The following RTN1 variants were observed in gnomAD, a reference collection of about 807,000 sequenced individuals.
RTN1 encodes reticulon 1.
In RTN1, 25 loss-of-function variants were observed where a neutral mutation model predicts 65.5. The observed-to-expected ratio is 0.38, with a 90% CI of 0.28 to 0.53. The LOEUF is 0.53. Among genes scored for constraint, RTN1 ranks in the 20% least tolerant of loss-of-function variants. The pLI is 0.79. For synonymous variants in RTN1, 471 were observed against 447.6 expected (o/e 1.05, Z -0.66); for missense variants, 983 against 1,025.4 (o/e 0.96, Z 0.57).
intron 3 of RTN1, among the ~76,000 whole-genome samples, chr14:59,659,695 C>T (rs1883202366): frequency 6.6e-6 from 1 of 152,172 alleles, no homozygotes; most frequent in Non-Finnish European, 1.5e-5. Context: ...AATGCTGAGA[C>T]ATTTTGTCAC....
chr14:59,822,355 T>C (rs1300339312), intron 1 of RTN1, among the ~76,000 whole-genome samples: 1 of 152,188 alleles, frequency 6.6e-6, no homozygotes, highest in Non-Finnish European at 1.5e-5. Flanking sequence ...TTGGTAGTAA[T>C]GTTGCTTTTG....
At chr14:59,645,889 T>G (rs1882885109) in intron 3 of RTN1, among the ~76,000 whole-genome samples, 1 of 152,180 alleles carries the variant, frequency 6.6e-6, no homozygotes. Flanking sequence ...ACAAGAACTC[T>G]GACAAGTCAG....
chr14:59,610,004 G>A, intron 3 of RTN1: 1 of 686,212 alleles, frequency 1.5e-6, no homozygotes, highest in Non-Finnish European at 2.7e-6. Context: ...GAAGGAAGAT[G>A]CTTACCCACT....
At chr14:59,709,647 C>T (rs1467512514) in intron 3 of RTN1, among the ~76,000 whole-genome samples, 1 of 152,126 alleles carries the variant, frequency 6.6e-6, no homozygotes, top group African/African-American at 2.4e-5. Flanking sequence ...TGCCAGTCCG[C>T]CTGCCTATGG....
At chr14:59,669,906 C>A (rs1883466112) in intron 3 of RTN1, among the ~76,000 whole-genome samples, 1 of 152,230 alleles carries the variant, frequency 6.6e-6, no homozygotes, top group African/African-American at 2.4e-5. Context: ...CATGCAGACT[C>A]CTTGTTCCAG....
chr14:59,638,199 G>A (rs978849991), intron 3 of RTN1, among the ~76,000 whole-genome samples: 2 of 152,128 alleles, frequency 1.3e-5, no homozygotes, highest in Non-Finnish European at 2.9e-5. Context: ...ATTACTGTTT[G>A]ATCCATGGGC....
At chr14:59,692,722 C>A (rs1353466911) in intron 3 of RTN1, among the ~76,000 whole-genome samples, 2 of 152,226 alleles carry the variant, frequency 1.3e-5, no homozygotes, top group East Asian at 1.9e-4. Context: ...ACATATATAA[C>A]AATGGAACAG....
At chr14:59,752,056 C>A (rs1885533552) in intron 1 of RTN1, among the ~76,000 whole-genome samples, 2 of 152,204 alleles carry the variant, frequency 1.3e-5, no homozygotes, top group African/African-American at 4.8e-5. Context: ...CCCAACACTT[C>A]TTCAACACTG....
intron 3 of RTN1, among the ~76,000 whole-genome samples, chr14:59,706,040 G>A (rs1451262444): frequency 6.6e-6 from 1 of 151,362 alleles, no homozygotes; most frequent in East Asian, 1.9e-4. Context: ...AATTGTTGTG[G>A]ACTTCCTCCA....
chr14:59,785,419 A>G (rs903415646), intron 1 of RTN1, among the ~76,000 whole-genome samples: 9 of 152,250 alleles, frequency 5.9e-5, no homozygotes, highest in Non-Finnish European at 1.0e-4. Flanking sequence ...AAGAAAAATT[A>G]CAACAAAAAT....
intron 3 of RTN1, among the ~76,000 whole-genome samples, chr14:59,725,037 T>C (rs1330442403): frequency 1.3e-5 from 2 of 152,168 alleles, no homozygotes; most frequent in African/African-American, 4.8e-5. Context: ...CCCTCCTCTC[T>C]ACCTTCTAAA....
intron 1 of RTN1, among the ~76,000 whole-genome samples, chr14:59,751,475 A>G (rs1314646323): frequency 6.6e-6 from 1 of 152,068 alleles, no homozygotes; most frequent in East Asian, 1.9e-4. Flanking sequence ...AGATATTTGG[A>G]TCCTAGGATT....
At chr14:59,813,746 A>C (rs1886770361) in intron 1 of RTN1, among the ~76,000 whole-genome samples, 1 of 152,248 alleles carries the variant, frequency 6.6e-6, no homozygotes, top group South Asian at 2.1e-4. Context: ...AAATAGAATA[A>C]AATACAAAAT....
intron 3 of RTN1, among the ~76,000 whole-genome samples, chr14:59,635,641 A>C (rs1262471703): frequency 6.6e-6 from 1 of 152,194 alleles, no homozygotes; most frequent in Non-Finnish European, 1.5e-5. Context: ...AATATTTGTC[A>C]GCGGAAAAGA....
chr14:59,828,518 G>A (rs1268416535), intron 1 of RTN1, among the ~76,000 whole-genome samples: 1 of 152,140 alleles, frequency 6.6e-6, no homozygotes, highest in Non-Finnish European at 1.5e-5. Context: ...GGATGAGCTG[G>A]TATTATGGGG....
In RTN1 at chr14:59,727,222, G is replaced by A. The variant is rs764922456; in HGVS notation, c.1462C>T (p.Pro488Ser). The part of the protein sequence containing the change: ...EESPKREQDS[P>S]PMKPSALDAI... ...TCCAGGGCGCTGGGCTTCATCGGGG[G>A]TGAGTCCTGCTCCCGCTTGGGGCTC... Residue 488 changes from proline to serine, a missense_variant, in exon 3 of 9, where the codon CCC becomes TCC. By Grantham distance (74) the Pro-to-Ser change is moderately conservative. This residue lies in a region of RTN1 where 818 missense variants were observed against 801.8 expected (regional missense o/e 1.02). Coordinates refer to ENST00000267484, the MANE Select transcript of RTN1 (RefSeq NM_021136.3). The surrounding 1 kb of genome is among the most constrained non-coding windows in gnomAD (Gnocchi z 4.2). The A allele has an allele frequency of 1.3e-6, 2 of 1,566,934 alleles. No individual in the cohort carries two copies. The highest frequency in any genetic ancestry group is 1.7e-6 in the Non-Finnish European group (2 of 1,156,580).
At chr14:59,760,134 C>T (rs1056183118) in intron 1 of RTN1, among the ~76,000 whole-genome samples, 1 of 152,100 alleles carries the variant, frequency 6.6e-6, no homozygotes, top group African/African-American at 2.4e-5. Context: ...CAATGTATTG[C>T]TATACATAGA....
chr14:59,620,686 A>G (rs1257949025), intron 3 of RTN1, among the ~76,000 whole-genome samples: 1 of 152,244 alleles, frequency 6.6e-6, no homozygotes, highest in East Asian at 1.9e-4. Flanking sequence ...TAAGGCTTCA[A>G]AAAGGAATGA....
intron 3 of RTN1, among the ~76,000 whole-genome samples, chr14:59,614,353 T>A (rs1270780376): frequency 6.6e-6 from 1 of 152,074 alleles, no homozygotes; most frequent in Non-Finnish European, 1.5e-5. Flanking sequence ...GTCATCCAAT[T>A]AAGAAACTGG....
Sources: allele counts gnomAD v4.1 joint callset (sites outside exome capture counted in the v4.1 genomes callset), GRCh38; gene constraint gnomAD v4.1.1; regional missense constraint gnomAD v4.1.1; non-coding constraint Gnocchi (gnomAD v3.1); transcripts MANE v1.5; gene names NCBI Gene and HGNC (gene_info 2026-07-23, HGNC 2026-07-21).